PLEKHM3: variants seen among roughly 807,000 people sequenced by gnomAD.
PLEKHM3 encodes the protein pleckstrin homology domain containing M3.
A neutral mutation model predicts 81.8 loss-of-function variants in PLEKHM3; 45 were observed. The observed-to-expected ratio is 0.55, with a 90% CI of 0.43 to 0.71. PLEKHM3 has a LOEUF of 0.71. PLEKHM3 is among the 30% of genes least tolerant of loss of function. The pLI is 0.00. For synonymous variants in PLEKHM3, 352 were observed against 356.4 expected, an observed-to-expected ratio of 0.99 and a Z score of 0.14; for missense variants, 788 against 924.3, an observed-to-expected ratio of 0.85 and a Z score of 1.91.
chr2:207,949,395 G>A (rs1690255261), intron 3 of PLEKHM3, among the ~76,000 whole-genome samples: 1 of 152,174 alleles, frequency 6.6e-6, no homozygotes, highest in Non-Finnish European at 1.5e-5. Context: ...AAAAAAATTA[G>A]TGAGGTGTGG....
chr2:207,999,434 G>C (rs1025778007), intron 2 of PLEKHM3, among the ~76,000 whole-genome samples: 1 of 152,006 alleles, frequency 6.6e-6, no homozygotes, highest in East Asian at 1.9e-4. Context: ...TAGCAACATA[G>C]CAAGACCCCA....
Position 207,826,805 on chromosome 2 carries a change from A to C in PLEKHM3, c.*1514T>G, listed in dbSNP as rs965680216. ...ATGAAGACATAGAAGGCATCTGCTC[A>C]GCGCGAAAGCTACAGAATCTTCTCA... On this transcript the variant is annotated 3_prime_UTR_variant, in exon 8 of 8. Transcript: ENST00000427836. The C allele has an allele frequency of 1.3e-5, 2 of 152,246 alleles. No homozygotes were observed. The highest frequency in any genetic ancestry group is 2.9e-5 in the Non-Finnish European group (2 of 68,058). 9.4% of individuals were successfully genotyped at this position (152,246 alleles called of 1,614,324 possible). A position where few individuals can be genotyped will look rare whatever the true frequency, so the allele number is the denominator to read the frequency against.
rs1690183631 is a variant in PLEKHM3, at chr2:207,947,770, T to TACAAC, written c.1547-1259_1547-1258insGTTGT. Among the ~76,000 whole-genome samples the TACAAC allele has an allele frequency of 2.6e-5, 4 of 152,228 alleles. No individual in the cohort carries two copies. In the South Asian group the frequency reaches 8.3e-4, roughly 31 times the overall value. On this transcript the variant is annotated intron_variant, in intron 3 of 7. Transcript: ENST00000427836. ...AGTACTAATAATATAATGATCAGTG[T>TACAAC]TGTAACCCTTTCCATTACAAGGAGG...
chr2:207,855,041 C>T (rs1336851235), intron 7 of PLEKHM3, among the ~76,000 whole-genome samples: 1 of 152,146 alleles, frequency 6.6e-6, no homozygotes, highest in East Asian at 1.9e-4. Context: ...GAACGGAGGG[C>T]TTTAAAAATG....
intron 3 of PLEKHM3, among the ~76,000 whole-genome samples, chr2:207,959,397 A>C (rs573261303): frequency 4.6e-5 from 7 of 152,274 alleles, no homozygotes; most frequent in African/African-American, 1.7e-4. Context: ...AGAGGTTCAG[A>C]TTATTTTGGG....
chr2:207,898,634 T>C (rs1414775773), intron 6 of PLEKHM3, among the ~76,000 whole-genome samples: 1 of 152,144 alleles, frequency 6.6e-6, no homozygotes, highest in Admixed American at 6.5e-5. Context: ...GGTGCAAGCC[T>C]GTAGTCCCAG....
chr2:208,011,487 T>C (rs2106113273), intron 1 of PLEKHM3, among the ~76,000 whole-genome samples: 1 of 152,278 alleles, frequency 6.6e-6, no homozygotes, highest in East Asian at 1.9e-4. Context: ...GAGACTACTA[T>C]TCTAAGTGAA....
chr2:207,953,189 T>C (rs779046226), intron 3 of PLEKHM3, among the ~76,000 whole-genome samples: 1 of 152,226 alleles, frequency 6.6e-6, no homozygotes, highest in Non-Finnish European at 1.5e-5. Context: ...CTGATAGTCT[T>C]TGGGTTGAGT....
At chr2:208,002,221 G>A (rs894507250) in intron 1 of PLEKHM3, among the ~76,000 whole-genome samples, 1 of 152,210 alleles carries the variant, frequency 6.6e-6, no homozygotes, top group Non-Finnish European at 1.5e-5. Context: ...TGCTTTGAGA[G>A]CATTTGTGAA....
In PLEKHM3 at chr2:208,001,325, A is replaced by C; in HGVS notation, c.315T>G (p.Asn105Lys). 1 of 1,614,176 alleles carries C rather than the reference A, an allele frequency of 6.2e-7. No homozygotes were observed. Among genetic ancestry groups the C allele is most frequent in the South Asian group, 1.1e-5 (1 of 91,088 alleles). The change falls in exon 2 of 8, where the codon AAT becomes AAG. Residue 105 changes from asparagine to lysine, a missense_variant. Physicochemically the swap from Asn to Lys is moderately conservative, Grantham distance 94. Coordinates refer to ENST00000427836, the MANE Select transcript of PLEKHM3 (RefSeq NM_001080475.3). The stretch of plus-strand genomic sequence containing the variant: ...CTTCCTTTTGTTCCATCCAGGAAAG[A>C]TTATCTGGGGTTGTCCCTCTCTGGA... Reference protein sequence around the residue: ...FMVQRGTTPDNLSWMEQKEAS... With the variant: ...FMVQRGTTPDKLSWMEQKEAS...
At chr2:207,941,062 G>A (rs1689924653) in intron 4 of PLEKHM3, among the ~76,000 whole-genome samples, 1 of 152,162 alleles carries the variant, frequency 6.6e-6, no homozygotes, top group Non-Finnish European at 1.5e-5. Context: ...TGATTATTGG[G>A]TAGAACTGGA....
At chr2:207,924,450 C>G (rs750650897) in intron 5 of PLEKHM3, among the ~76,000 whole-genome samples, 27 of 151,740 alleles carry the variant, frequency 1.8e-4, no homozygotes, top group Non-Finnish European at 3.4e-4. Flanking sequence ...TTGGGGACGC[C>G]GAGGCAGGTG....
chr2:207,884,135 AC>A (rs146020530), intron 6 of PLEKHM3, among the ~76,000 whole-genome samples: 815 of 62,574 alleles, frequency 0.013, 6 homozygotes, highest in African/African-American at 0.045. Context: ...CCCCGTCCCC[AC>A]CCCCACCCCC....
At chr2:207,863,237 C>T (rs558770294) in intron 6 of PLEKHM3, among the ~76,000 whole-genome samples, 2 of 152,218 alleles carry the variant, frequency 1.3e-5, no homozygotes, top group Non-Finnish European at 1.5e-5. Context: ...AAATGAACCT[C>T]TAGTTAAACT....
At chr2:207,882,775 CTCAG>C (rs1162186322) in intron 6 of PLEKHM3, among the ~76,000 whole-genome samples, 1 of 152,150 alleles carries the variant, frequency 6.6e-6, no homozygotes, top group Non-Finnish European at 1.5e-5. Flanking sequence ...GCTCGATAAG[CTCAG>C]TCATACTGAA....
At chr2:207,931,801 C>T (rs769777682) in intron 4 of PLEKHM3, among the ~76,000 whole-genome samples, 3 of 151,966 alleles carry the variant, frequency 2.0e-5, no homozygotes, top group Non-Finnish European at 2.9e-5. Context: ...GGCGAAACCC[C>T]GTCTCTACTA....
Position 208,001,159 on chromosome 2 carries a change from C to A in PLEKHM3, c.481G>T (p.Val161Leu). 6.2e-7 allele frequency: 1 copy of A among 1,613,714 alleles called. No homozygotes were observed. Among genetic ancestry groups the A allele is most frequent in the African/African-American group, 1.3e-5 (1 of 75,022 alleles). The change falls in exon 2 of 8, where the codon GTA (valine) becomes TTA (leucine). Residue 161 changes from valine (V) to leucine (L), a missense_variant. Physicochemically the swap from Val to Leu is conservative, Grantham distance 32. Coordinates refer to ENST00000427836, the MANE Select transcript of PLEKHM3 (RefSeq NM_001080475.3). ...TGCAAAGGCGTGGTTTTGAGGACTACCCTCCAGTCCACTTGGGTAATATCT... is the reference window on the plus strand; with the variant it reads ...TGCAAAGGCGTGGTTTTGAGGACTAACCTCCAGTCCACTTGGGTAATATCT... ...RSDITQVDWRVVLKTTPLQQQ... is the reference protein window; with the variant it reads ...RSDITQVDWRLVLKTTPLQQQ...
intron 6 of PLEKHM3, among the ~76,000 whole-genome samples, chr2:207,865,927 C>G (rs1451528763): frequency 6.8e-6 from 1 of 146,500 alleles, no homozygotes; most frequent in African/African-American, 2.5e-5. Flanking sequence ...GCTTCTTTCA[C>G]TTAGCATAAA....
At chr2:207,850,178 G>A (rs2092405199) in intron 7 of PLEKHM3, among the ~76,000 whole-genome samples, 1 of 151,994 alleles carries the variant, frequency 6.6e-6, no homozygotes. Flanking sequence ...CCATTTTAAC[G>A]ACCTCATCAC....
Sources: gnomAD v4.1 joint callset for allele counts (sites outside exome capture counted in the v4.1 genomes callset) on GRCh38, gnomAD v4.1.1 for gene constraint, MANE v1.5 for transcripts, NCBI Gene and HGNC (gene_info 2026-07-23, HGNC 2026-07-21) for gene names.